Variants in PRPS2 observed in about 807,000 individuals in gnomAD.
The protein encoded by PRPS2 is phosphoribosyl pyrophosphate synthetase 2, also known as ribose-phosphate pyrophosphokinase 2.
For synonymous variants in PRPS2, 111 were observed against 115.3 expected (o/e 0.96, Z 0.24); for missense variants, 104 against 271.5 (o/e 0.38, Z 4.34).
At chrX:12,799,558 C>T (rs1345712799) in intron 2 of PRPS2, among the ~76,000 whole-genome samples, 168 bp downstream of exon 2, 1 of 112,180 alleles carries the variant, frequency 8.9e-6, no homozygotes, top group Non-Finnish European at 1.9e-5. Context: ...TTTGAACCTA[C>T]CCTGACATTA....
intron 4 of PRPS2, among the ~76,000 whole-genome samples, chrX:12,810,990 C>T (rs1234386004): frequency 8.9e-6 from 1 of 111,854 alleles, no homozygotes; most frequent in African/African-American, 3.3e-5. Context: ...AGTCAAACCA[C>T]GAGCCTGTGC....
rs186306250 is a variant in PRPS2 at position 12,814,575 on chromosome X, T to A, written c.530+4429T>A. Among the ~76,000 whole-genome samples the A allele has an allele frequency of 1.5e-3, 168 of 112,274 alleles. 1 individual carries two copies. The Admixed American group carries it at 0.016, about 10-fold the overall frequency. On this transcript the variant is annotated intron_variant, in intron 4 of 6. Transcript: ENST00000380668. ...TCTGACCAATTGGAGCTTGTTGCTT[T>A]AGAAAAAGCTTTGAAGCTTGACTCG...
intron 2 of PRPS2, among the ~76,000 whole-genome samples, chrX:12,801,304 T>A (rs1187847694): frequency 9.1e-6 from 1 of 109,929 alleles, no homozygotes; most frequent in Non-Finnish European, 1.9e-5. Flanking sequence ...GCCAAAACCT[T>A]AGGTCACATA....
chrX:12,809,328 T>C lies in PRPS2; in HGVS notation c.401T>C (p.Ile134Thr), dbSNP rs1212826905. Residue 134 changes from isoleucine (I) to threonine (T), a missense_variant, in exon 3 of 7, where the codon ATA becomes ACA. Transcript: ENST00000380668. ...ACCATGGACCTGCATGCTTCTCAGA[T>C]ACAGGTATCCGTGTTTTCCTTCTGC... ...IITMDLHASQ[I>T]QGFFDIPVDN... is the part of the protein sequence containing the mutation. 1 of 1,207,384 alleles carries C rather than the reference T, an allele frequency of 8.3e-7. No individual in the cohort carries two copies. Among genetic ancestry groups the C allele is most frequent in the Non-Finnish European group, 1.1e-6 (1 of 892,613 alleles).
At chrX:12,806,022 G>A (rs753541469) in intron 2 of PRPS2, among the ~76,000 whole-genome samples, 1 of 109,094 alleles carries the variant, frequency 9.2e-6, no homozygotes, top group African/African-American at 3.4e-5. Context: ...GTAGTGCAGT[G>A]AGCTGAGATC....
Position 12,822,737 on chromosome X carries a change from A to G in PRPS2, c.898A>G (p.Ile300Val), listed in dbSNP as rs747781761. ...IDISMILAEAIRRTHNGESVS... is the reference protein window; with the variant it reads ...IDISMILAEAVRRTHNGESVS... ...CATTTCCATGATCTTGGCCGAAGCA[A>G]TCCGAAGGACACACAATGGGGAATC... Residue 300 changes from isoleucine (I) to valine (V), a missense_variant, in exon 7 of 7, where the codon ATC becomes GTC. Coordinates refer to ENST00000380668, the MANE Select transcript of PRPS2 (RefSeq NM_002765.5). 8.3e-7 allele frequency: 1 copy of G among 1,211,937 alleles called. No individual in the cohort carries two copies. Among genetic ancestry groups the G allele is most frequent in the East Asian group, 3.0e-5 (1 of 33,853 alleles).
chrX:12,799,092 A>G, intron 1 of PRPS2, 115 bp from the exon 2 acceptor site: 2 of 677,634 alleles, frequency 3.0e-6, no homozygotes, highest in Admixed American at 3.2e-5. Flanking sequence ...GAGTGCAACT[A>G]TTAGGCTGAG....
chrX:12,820,246 T>C (rs2042669034), intron 5 of PRPS2, among the ~76,000 whole-genome samples: 1 of 112,668 alleles, frequency 8.9e-6, no homozygotes, highest in Admixed American at 9.3e-5. Context: ...TTTGGCTATA[T>C]TGGTTTAAAC....
At chrX:12,801,037 A>G (rs1265082433) in intron 2 of PRPS2, among the ~76,000 whole-genome samples, 9 of 112,427 alleles carry the variant, frequency 8.0e-5, no homozygotes, top group Non-Finnish European at 1.7e-4. Flanking sequence ...TGAATTTCAT[A>G]TTATTTTCAC....
intron 1 of PRPS2, among the ~76,000 whole-genome samples, chrX:12,795,869 T>C (rs1394666487): frequency 2.7e-5 from 3 of 112,025 alleles, no homozygotes; most frequent in Non-Finnish European, 3.8e-5. Flanking sequence ...AGCAGTTAGA[T>C]TTAGCTCCTT....
intron 2 of PRPS2, among the ~76,000 whole-genome samples, chrX:12,806,264 T>G (rs1198775409): frequency 1.8e-5 from 2 of 112,025 alleles, no homozygotes; most frequent in Non-Finnish European, 3.8e-5. Context: ...TGAGAACAGT[T>G]TTTCCTGATG....
intron 2 of PRPS2, among the ~76,000 whole-genome samples, chrX:12,808,013 G>A (rs959668638): frequency 3.7e-5 from 4 of 108,387 alleles, no homozygotes; most frequent in Non-Finnish European, 5.7e-5. Flanking sequence ...GACTACAGGC[G>A]CCCGCCACCA....
intron 6 of PRPS2, 89 bp downstream of exon 6, chrX:12,820,892 C>T: frequency 9.9e-7 from 1 of 1,010,088 alleles, no homozygotes; most frequent in Non-Finnish European, 1.3e-6. Flanking sequence ...GTGTGTGGCT[C>T]CTTGCTAAGG....
chrX:12,818,237 G>A lies in PRPS2; in HGVS notation c.531-1270G>A, dbSNP rs186660442. Among the ~76,000 whole-genome samples, 42 of 108,341 alleles carry A rather than the reference G, an allele frequency of 3.9e-4. 1 individual carries two copies. Among genetic ancestry groups the A allele is most frequent in the African/African-American group, 1.2e-3 (36 of 29,712 alleles). 94.1% of individuals were successfully genotyped at this position (108,341 alleles called of 115,157 possible). A position where few individuals can be genotyped will look rare whatever the true frequency, so the allele number is the denominator to read the frequency against. ...TACAAAATTAGCCAGGAGTGGTGGT[G>A]CATGCCTATCACCCCAGCTACTCAG... On this transcript the variant is annotated intron_variant, in intron 4 of 6. Coordinates refer to ENST00000380668, the MANE Select transcript of PRPS2 (RefSeq NM_002765.5).
chrX:12,821,446 G>A (rs2042675354), intron 6 of PRPS2, among the ~76,000 whole-genome samples: 1 of 109,309 alleles, frequency 9.1e-6, no homozygotes, highest in Non-Finnish European at 1.9e-5. Context: ...ATCAGGGTCT[G>A]GGGGTGGGGG....
chrX:12,797,213 C>T (rs1458135731), intron 1 of PRPS2, among the ~76,000 whole-genome samples: 1 of 110,129 alleles, frequency 9.1e-6, no homozygotes, highest in East Asian at 2.8e-4. Context: ...AACAAATTAG[C>T]CAGGCGTGGT....
In PRPS2 at chrX:12,808,287, A is replaced by AGTGTGTGTGT. The variant is rs762950596; in HGVS notation, c.307-947_307-946insGTGTGTGTGT. 3.4e-4 allele frequency among the ~76,000 whole-genome samples: 16 copies of AGTGTGTGTGT among 46,490 alleles called. No homozygotes were observed. In the South Asian group the frequency reaches 0.024, roughly 69 times the overall value. 40.4% of individuals were successfully genotyped at this position (46,490 alleles called of 115,157 possible). Reference sequence around the variant, plus strand: ...CCTGCATGTGTTTTTACATGAATATACTGTGTGTGTGTGTGTGTGTGTGTG... The same window carrying AGTGTGTGTGT: ...CCTGCATGTGTTTTTACATGAATATAGTGTGTGTGTCTGTGTGTGTGTGTGTGTGTGTGTG... On this transcript the variant is annotated intron_variant, in intron 2 of 6. Coordinates refer to ENST00000380668, the MANE Select transcript of PRPS2 (RefSeq NM_002765.5).
Position 12,807,368 on chromosome X carries a change from C to T in PRPS2, c.307-1866C>T, listed in dbSNP as rs996056794. Among the ~76,000 whole-genome samples, 13 of 112,435 alleles carry T rather than the reference C, an allele frequency of 1.2e-4. No homozygotes were observed. The East Asian group carries it at 3.6e-3, about 31-fold the overall frequency. On this transcript the variant is annotated intron_variant, in intron 2 of 6. Transcript: ENST00000380668. ...CTTAATCCTATCACATTGGCAACAC[C>T]TGAATTTTGGAGGTGACCTTTCAAC...
At chrX:12,798,942 G>A (rs780245290) in intron 1 of PRPS2, among the ~76,000 whole-genome samples, 3 of 111,777 alleles carry the variant, frequency 2.7e-5, no homozygotes, top group South Asian at 3.7e-4. Flanking sequence ...TCACTACTGG[G>A]GCATTAAGCT....
Sources: allele counts gnomAD v4.1 joint callset (sites outside exome capture counted in the v4.1 genomes callset), GRCh38; gene constraint gnomAD v4.1.1; transcripts MANE v1.5; gene names NCBI Gene and HGNC (gene_info 2026-07-23, HGNC 2026-07-21).